The following ADCY5 variants were observed in gnomAD, a reference collection of about 807,000 sequenced individuals.
ADCY5 encodes the protein adenylate cyclase type 5.
ADCY5 carries 30 observed loss-of-function variants against 119.7 expected under a neutral mutation model. The ratio of observed to expected loss-of-function variants is 0.25; its 90% CI spans 0.19 to 0.34. ADCY5 has a LOEUF of 0.34. Ranked by LOEUF, ADCY5 falls within the 10% of genes least tolerant of loss-of-function variation. The probability of loss-of-function intolerance (pLI) is 1.00; values close to 1 mark genes in which losing one functional copy is unlikely to be tolerated. For missense variants in ADCY5, 1,324 were observed against 1,775.2 expected, an observed-to-expected ratio of 0.75 and a Z score of 4.57; for synonymous variants, 753 against 762.2, an observed-to-expected ratio of 0.99 and a Z score of 0.20.
At chr3:123,284,790 C>A in intron 20 of ADCY5, 54 bp from the exon 21 acceptor site, 1 of 1,611,418 alleles carries the variant, frequency 6.2e-7, no homozygotes. Context: ...TGGCCATGAA[C>A]TGCTGTGGGG....
At chr3:123,327,089 T>C (rs191733399) in intron 7 of ADCY5, among the ~76,000 whole-genome samples, 23 of 152,244 alleles carry the variant, frequency 1.5e-4, no homozygotes, top group African/African-American at 5.1e-4. Flanking sequence ...CTATTAAAAA[T>C]AGAACACTGA....
At chr3:123,432,961 G>C (rs755130846) in intron 1 of ADCY5, among the ~76,000 whole-genome samples, 4 of 152,190 alleles carry the variant, frequency 2.6e-5, no homozygotes, top group Non-Finnish European at 5.9e-5. Context: ...TGTGGAACCT[G>C]AGAATGGGCA....
chr3:123,433,179 T>C (rs1945552697), intron 1 of ADCY5, among the ~76,000 whole-genome samples: 2 of 152,186 alleles, frequency 1.3e-5, no homozygotes, highest in South Asian at 4.1e-4. Flanking sequence ...CCAATTTAGA[T>C]TGGCGGTGTC....
At chr3:123,444,554 T>C (rs962510526) in intron 1 of ADCY5, among the ~76,000 whole-genome samples, 1 of 152,040 alleles carries the variant, frequency 6.6e-6, no homozygotes, top group Non-Finnish European at 1.5e-5. Flanking sequence ...CTGTGGCACC[T>C]TGTGTCCTGT....
intron 1 of ADCY5, among the ~76,000 whole-genome samples, chr3:123,441,585 C>A (rs1945722720): frequency 6.6e-6 from 1 of 152,222 alleles, no homozygotes; most frequent in Non-Finnish European, 1.5e-5. Context: ...AATTTAGTCC[C>A]TCTTCTAATA....
intron 1 of ADCY5, among the ~76,000 whole-genome samples, chr3:123,384,150 A>C (rs1198674524): frequency 1.3e-5 from 2 of 152,218 alleles, no homozygotes; most frequent in African/African-American, 4.8e-5. Flanking sequence ...GTGACCCTTA[A>C]GATTCCTGAG....
chr3:123,401,347 C>T (rs1944746945), intron 1 of ADCY5, among the ~76,000 whole-genome samples: 1 of 152,158 alleles, frequency 6.6e-6, no homozygotes, highest in East Asian at 1.9e-4. Flanking sequence ...GGCTGGGGAA[C>T]CAGGGACCAG....
intron 1 of ADCY5, among the ~76,000 whole-genome samples, chr3:123,430,057 C>T (rs546819152): frequency 2.6e-5 from 4 of 152,186 alleles, no homozygotes; most frequent in African/African-American, 9.7e-5. Flanking sequence ...GCCCTCAGCA[C>T]AGCCTCCCAC....
chr3:123,427,331 C>T (rs1323082522), intron 1 of ADCY5, among the ~76,000 whole-genome samples: 1 of 152,236 alleles, frequency 6.6e-6, no homozygotes, highest in Admixed American at 6.5e-5. Flanking sequence ...AATCTCCTTT[C>T]CCTCCAACAA....
chr3:123,378,051 G>A (rs571361233), intron 1 of ADCY5, among the ~76,000 whole-genome samples: 123 of 151,670 alleles, frequency 8.1e-4, no homozygotes, highest in African/African-American at 2.9e-3. Context: ...TTAAGTAAAA[G>A]CACTCAACCA....
At position 123,447,670 on chromosome 3, in the gene ADCY5, G is replaced by A. The variant is rs371649737; in HGVS notation, c.876C>T (p.Ala292=). The change falls in exon 1 of 21, where the codon GCC becomes GCT. Residue 292 remains alanine, a synonymous_variant. Transcript: ENST00000462833. ...LIMAVLCNRA[A]FHQDHMGLAC... ...CCAGGCCCATGTGGTCCTGGTGGAAGGCGGCGCGGTTGCAAAGCACAGCCA... is the reference window on the plus strand; with the variant it reads ...CCAGGCCCATGTGGTCCTGGTGGAAAGCGGCGCGGTTGCAAAGCACAGCCA... 3 of 1,606,328 alleles carry A rather than the reference G, an allele frequency of 1.9e-6. No individual in the cohort carries two copies. Among genetic ancestry groups the A allele is most frequent in the South Asian group, 1.1e-5 (1 of 90,502 alleles).
At chr3:123,293,708 AT>A (rs1204023315) in intron 17 of ADCY5, among the ~76,000 whole-genome samples, 1 of 152,160 alleles carries the variant, frequency 6.6e-6, no homozygotes, top group East Asian at 1.9e-4. Flanking sequence ...AGCCCGAGGT[AT>A]TGGATTAAAA....
chr3:123,383,907 C>A (rs1004918563), intron 1 of ADCY5, among the ~76,000 whole-genome samples: 1 of 150,212 alleles, frequency 6.7e-6, no homozygotes, highest in Non-Finnish European at 1.5e-5. Context: ...TGCACACACA[C>A]ACCCTTCCTC....
chr3:123,335,107 C>A (rs576437753), intron 3 of ADCY5, among the ~76,000 whole-genome samples: 2 of 152,286 alleles, frequency 1.3e-5, no homozygotes, highest in East Asian at 1.9e-4. Flanking sequence ...CCCTCGCCAC[C>A]CCAGGGACAG....
In ADCY5 at chr3:123,448,020, C is replaced by G. The variant is rs1015484639; in HGVS notation, c.526G>C (p.Gly176Arg). Residue 176 changes from glycine to arginine, a missense_variant, in exon 1 of 21, where the codon GGC (glycine) becomes CGC (arginine). By Grantham distance (125) the Gly-to-Arg change is moderately radical. Transcript: ENST00000462833. ...KGRAADELEAGAVEGGEGSGD... is the reference protein window; with the variant it reads ...KGRAADELEARAVEGGEGSGD... The stretch of plus-strand genomic sequence containing the variant: ...GACCCCTCGCCGCCCTCGACGGCGC[C>G]GGCCTCCAGCTCGTCGGCCGCGCGC... 25 of 1,270,890 alleles carry G rather than the reference C, an allele frequency of 2.0e-5. No homozygotes were observed. The highest frequency in any genetic ancestry group is 2.4e-5 in the Non-Finnish European group (24 of 1,013,586). The allele number at this position is 1,270,890 out of a possible 1,614,324, so 78.7% of individuals were successfully genotyped here.
chr3:123,325,648 C>T (rs1941451781), intron 7 of ADCY5, among the ~76,000 whole-genome samples, 186 bp from the exon 8 acceptor site: 2 of 152,218 alleles, frequency 1.3e-5, no homozygotes, highest in Non-Finnish European at 1.5e-5. Context: ...TGGATCTCTC[C>T]AAACTCCCTA....
chr3:123,426,299 G>GTTTTTTT (rs750760543), intron 1 of ADCY5, among the ~76,000 whole-genome samples: 10 of 97,856 alleles, frequency 1.0e-4, no homozygotes, highest in East Asian at 3.8e-4. Flanking sequence ...TTTCTTTTGT[G>GTTTTTTT]TTTTTTTTTT....
At chr3:123,439,923 GCTCT>G (rs2107652715) in intron 1 of ADCY5, among the ~76,000 whole-genome samples, 1 of 152,344 alleles carries the variant, frequency 6.6e-6, no homozygotes, top group African/African-American at 2.4e-5. Flanking sequence ...CCAGGCAACA[GCTCT>G]CTGTTTCTAA....
chr3:123,312,011 G>C (rs1940615329), intron 12 of ADCY5, among the ~76,000 whole-genome samples: 1 of 152,172 alleles, frequency 6.6e-6, no homozygotes, highest in African/African-American at 2.4e-5. Flanking sequence ...AACTCATCTT[G>C]AACTGTGGGA....
Sources: gnomAD v4.1 joint callset for allele counts (sites outside exome capture counted in the v4.1 genomes callset) on GRCh38, gnomAD v4.1.1 for gene constraint, MANE v1.5 for transcripts, NCBI Gene and HGNC (gene_info 2026-07-23, HGNC 2026-07-21) for gene names.